Variants in CNTN6 observed in about 807,000 individuals in gnomAD.
The protein encoded by CNTN6 is contactin-6.
CNTN6 carries 137 observed loss-of-function variants against 122.8 expected under a neutral mutation model. The ratio of observed to expected loss-of-function variants is 1.12; its 90% CI spans 0.97 to 1.29. CNTN6 has a LOEUF of 1.29. Among genes scored for constraint, CNTN6 ranks in the 50% most tolerant of loss-of-function variants. The pLI is 0.00. For synonymous variants in CNTN6, 570 were observed against 426.0 expected, an observed-to-expected ratio of 1.34 and a Z score of -4.16; for missense variants, 1,634 against 1,223.4, an observed-to-expected ratio of 1.34 and a Z score of -5.01.
At chr3:1,318,588 A>T (rs1010942586) in intron 7 of CNTN6, among the ~76,000 whole-genome samples, 3 of 151,768 alleles carry the variant, frequency 2.0e-5, no homozygotes, top group Non-Finnish European at 2.9e-5. Flanking sequence ...GAAGTGGGGC[A>T]GGGAAGAGAT....
Position 1,382,973 on chromosome 3 carries a change from G to T in CNTN6, c.2198G>T (p.Gly733Val), listed in dbSNP as rs1160124664. ...CCAGAAGAACTGCAGAATGGGGAGG[G>T]ATTTGGATATATCATCATGTTCCGG... ...SIPEELQNGE[G>V]FGYIIMFRPV... The change falls in exon 18 of 23, where the codon GGA becomes GTA. Residue 733 changes from glycine to valine, a missense_variant. Coordinates refer to ENST00000446702, the MANE Select transcript of CNTN6 (RefSeq NM_001289080.2). 3 of 1,613,896 alleles carry T rather than the reference G, an allele frequency of 1.9e-6. No individual in the cohort carries two copies. Among genetic ancestry groups the T allele is most frequent in the African/African-American group, 1.3e-5 (1 of 74,922 alleles).
chr3:1,332,250 T>C (rs1318359803), intron 11 of CNTN6, among the ~76,000 whole-genome samples: 1 of 151,910 alleles, frequency 6.6e-6, no homozygotes, highest in Non-Finnish European at 1.5e-5. Flanking sequence ...TTTCAAAAGG[T>C]CACACAGTTA....
intron 10 of CNTN6, among the ~76,000 whole-genome samples, chr3:1,329,287 A>G (rs552530926): frequency 2.4e-4 from 36 of 151,602 alleles, no homozygotes; most frequent in Admixed American, 1.1e-3. Context: ...ATATGTATGT[A>G]TATGACATGT....
intron 7 of CNTN6, 176 bp downstream of exon 7, chr3:1,298,167 G>A (rs1209420065): frequency 5.5e-6 from 3 of 549,082 alleles, no homozygotes; most frequent in African/African-American, 3.8e-5. Flanking sequence ...CTGAGACAAT[G>A]ACCAGGCCTG....
At chr3:1,182,399 T>G (rs375005270) in intron 2 of CNTN6, among the ~76,000 whole-genome samples, 2 of 152,148 alleles carry the variant, frequency 1.3e-5, no homozygotes, top group African/African-American at 4.8e-5. Context: ...TTCTCTGAAA[T>G]TAATATAGAA....
intron 7 of CNTN6, among the ~76,000 whole-genome samples, chr3:1,305,659 T>C (rs2125907453): frequency 6.6e-6 from 1 of 151,222 alleles, no homozygotes; most frequent in Non-Finnish European, 1.5e-5. Context: ...CAACCAAACA[T>C]ATTTTCCTTT....
At chr3:1,188,299 T>C (rs1332138219) in intron 2 of CNTN6, among the ~76,000 whole-genome samples, 3 of 152,168 alleles carry the variant, frequency 2.0e-5, no homozygotes, top group Non-Finnish European at 4.4e-5. Flanking sequence ...CTGAAAGAAT[T>C]CTTACAAGGC....
At chr3:1,389,168 G>A (rs1693689917) in intron 20 of CNTN6, among the ~76,000 whole-genome samples, 1 of 149,472 alleles carries the variant, frequency 6.7e-6, no homozygotes, top group African/African-American at 2.4e-5. Flanking sequence ...AGAGAGAAAG[G>A]TCGGGTTACC....
At chr3:1,237,177 AATAG>A (rs1293726973) in intron 4 of CNTN6, among the ~76,000 whole-genome samples, 4 of 152,042 alleles carry the variant, frequency 2.6e-5, no homozygotes, top group East Asian at 1.9e-4. Flanking sequence ...TCTTCAGTGA[AATAG>A]ATAGTATAAA....
intron 4 of CNTN6, among the ~76,000 whole-genome samples, chr3:1,255,416 G>GAAAA (rs112987509): frequency 1.7e-5 from 2 of 117,088 alleles, no homozygotes; most frequent in South Asian, 8.5e-4. Flanking sequence ...ATTTGAAAAT[G>GAAAA]GAAAAAAAAA....
intron 7 of CNTN6, among the ~76,000 whole-genome samples, chr3:1,313,794 G>C (rs1699730144): frequency 6.6e-6 from 1 of 152,064 alleles, no homozygotes; most frequent in South Asian, 2.1e-4. Flanking sequence ...ACAAGTTCTG[G>C]AGGCTGGGAA....
chr3:1,286,896 G>C (rs1694441642), intron 5 of CNTN6, among the ~76,000 whole-genome samples: 2 of 152,104 alleles, frequency 1.3e-5, no homozygotes, highest in Non-Finnish European at 2.9e-5. Context: ...CAAAAGGAAA[G>C]CAGAAAAAAG....
chr3:1,334,376 ATTT>A (rs11332039), intron 11 of CNTN6, among the ~76,000 whole-genome samples: 2,052 of 147,006 alleles, frequency 0.014, 52 homozygotes, highest in African/African-American at 0.046. Context: ...TCCTCTTTTT[ATTT>A]TTTTTTTTTT....
intron 7 of CNTN6, among the ~76,000 whole-genome samples, chr3:1,310,598 T>G (rs778046664): frequency 6.6e-6 from 1 of 152,216 alleles, no homozygotes; most frequent in Non-Finnish European, 1.5e-5. Context: ...GTCTTTATCT[T>G]ATTTTGGCAT....
intron 4 of CNTN6, among the ~76,000 whole-genome samples, chr3:1,276,852 G>C (rs1692461773): frequency 6.6e-6 from 1 of 152,162 alleles, no homozygotes; most frequent in Non-Finnish European, 1.5e-5. Flanking sequence ...GATTAGCTAT[G>C]TTTCTGCTCC....
intron 4 of CNTN6, among the ~76,000 whole-genome samples, chr3:1,236,082 G>A (rs2094418011): frequency 6.6e-6 from 1 of 152,058 alleles, no homozygotes; most frequent in African/African-American, 2.4e-5. Context: ...GAGAGGCTGA[G>A]CTCAGACACA....
At chr3:1,349,044 A>C (rs1218008480) in intron 11 of CNTN6, among the ~76,000 whole-genome samples, 1 of 151,988 alleles carries the variant, frequency 6.6e-6, no homozygotes, top group Non-Finnish European at 1.5e-5. Context: ...AACACAGTAG[A>C]CATTTAGAAA....
chr3:1,340,581 A>G (rs999496112), intron 11 of CNTN6, among the ~76,000 whole-genome samples: 8 of 152,182 alleles, frequency 5.3e-5, no homozygotes, highest in African/African-American at 1.9e-4. Context: ...AAAGGAATTA[A>G]AATAGGTATA....
At chr3:1,095,407 C>T (rs1288514816) in intron 1 of CNTN6, among the ~76,000 whole-genome samples, 1 of 152,052 alleles carries the variant, frequency 6.6e-6, no homozygotes, top group Non-Finnish European at 1.5e-5. Context: ...GGAGGCGGAG[C>T]TTGCAGTGAG....
Sources: gnomAD v4.1 joint callset for allele counts (sites outside exome capture counted in the v4.1 genomes callset) on GRCh38, gnomAD v4.1.1 for gene constraint, MANE v1.5 for transcripts, NCBI Gene and HGNC (gene_info 2026-07-23, HGNC 2026-07-21) for gene names.